SCAMP1: variants seen among roughly 807,000 people sequenced by gnomAD.
SCAMP1 encodes the protein secretory carrier membrane protein 1, also known as secretory carrier-associated membrane protein 1.
In SCAMP1, 15 loss-of-function variants were observed where a neutral mutation model predicts 41.8. The ratio of observed to expected loss-of-function variants is 0.36; its 90% confidence interval spans 0.24 to 0.55. The LOEUF (loss-of-function observed/expected upper bound fraction) is 0.55. Among genes scored for constraint, SCAMP1 ranks in the 20% least tolerant of loss-of-function variants. SCAMP1 has a pLI of 0.86. For missense variants in SCAMP1, 341 were observed against 412.6 expected, an observed-to-expected ratio of 0.83 and a Z score of 1.50; for synonymous variants, 135 against 136.8, an observed-to-expected ratio of 0.99 and a Z score of 0.09.
chr5:78,464,374 C>T lies in SCAMP1; in HGVS notation c.852+5012C>T, dbSNP rs190508409. Among the ~76,000 whole-genome samples the T allele has an allele frequency of 3.3e-3, 503 of 152,200 alleles. 3 individuals carry two copies. Among genetic ancestry groups the T allele is most frequent in the African/African-American group, 0.011 (468 of 41,536 alleles). On this transcript the variant is annotated intron_variant, in intron 8 of 8. Coordinates refer to ENST00000621999, the MANE Select transcript of SCAMP1 (RefSeq NM_004866.6). ...GGCCAGGATGCTCTTGATCTCCTGA[C>T]CTCGTGTTCTGCCTACTGGGATTAC...
chr5:78,375,263 A>G (rs1283257873), intron 1 of SCAMP1, among the ~76,000 whole-genome samples: 1 of 152,166 alleles, frequency 6.6e-6, no homozygotes, highest in African/African-American at 2.4e-5. Flanking sequence ...CTGAGGAAAT[A>G]TAGTTTTGAA....
chr5:78,430,270 ATAAATAGTATTTATTACTATG>A (rs1475851306), intron 6 of SCAMP1, among the ~76,000 whole-genome samples: 1 of 133,028 alleles, frequency 7.5e-6, no homozygotes, highest in Non-Finnish European at 1.6e-5. Flanking sequence ...TTATTTATAA[ATAAATAGTATTTATTACTATG>A]TAAATAGTAT....
intron 1 of SCAMP1, among the ~76,000 whole-genome samples, chr5:78,373,927 A>G (rs1002151895): frequency 1.3e-5 from 2 of 152,144 alleles, no homozygotes; most frequent in African/African-American, 4.8e-5. Context: ...TGCCAGTTTA[A>G]TAGGTCTTTA....
In SCAMP1 at chr5:78,478,480, C is replaced by G. The variant is rs1351931249; in HGVS notation, c.*2812C>G. On this transcript the variant is annotated 3_prime_UTR_variant, in exon 9 of 9. Coordinates refer to ENST00000621999, the MANE Select transcript of SCAMP1 (RefSeq NM_004866.6). Reference sequence around the variant, plus strand: ...TGACCATTTTTCTGTTGCATTAGACCTTTACAGGTAATGGAACATGAGCTT... The same window carrying G: ...TGACCATTTTTCTGTTGCATTAGACGTTTACAGGTAATGGAACATGAGCTT... 2.0e-5 allele frequency: 3 copies of G among 152,316 alleles called. No homozygotes were observed. Among genetic ancestry groups the G allele is most frequent in the Non-Finnish European group, 4.4e-5 (3 of 67,970 alleles). 9.4% of individuals were successfully genotyped at this position (152,316 alleles called of 1,614,324 possible).
At chr5:78,398,333 T>C (rs1448143985) in intron 2 of SCAMP1, among the ~76,000 whole-genome samples, 1 of 150,310 alleles carries the variant, frequency 6.7e-6, no homozygotes, top group East Asian at 2.0e-4. Flanking sequence ...CCAAAGTCTA[T>C]AGTTTATCCT....
chr5:78,432,816 A>G (rs1167739847), intron 6 of SCAMP1, among the ~76,000 whole-genome samples: 1 of 152,012 alleles, frequency 6.6e-6, no homozygotes, highest in African/African-American at 2.4e-5. Context: ...GTCTCTTTAC[A>G]TATTTCTTTT....
At chr5:78,378,989 T>G (rs1751134216) in intron 1 of SCAMP1, among the ~76,000 whole-genome samples, 4 of 152,234 alleles carry the variant, frequency 2.6e-5, no homozygotes, top group Admixed American at 2.6e-4. Context: ...TGCTGAAGTT[T>G]GAGAACCACA....
At chr5:78,372,699 A>C (rs555316531) in intron 1 of SCAMP1, among the ~76,000 whole-genome samples, 1 of 152,292 alleles carries the variant, frequency 6.6e-6, no homozygotes, top group South Asian at 2.1e-4. Context: ...CATGATATAT[A>C]ATAGCTTCTA....
At chr5:78,457,547 G>A (rs1456894079) in intron 7 of SCAMP1, among the ~76,000 whole-genome samples, 2 of 152,204 alleles carry the variant, frequency 1.3e-5, no homozygotes, top group African/African-American at 2.4e-5. Context: ...CCCGTTCTCA[G>A]ATCTCCAGCT....
intron 5 of SCAMP1, among the ~76,000 whole-genome samples, chr5:78,419,993 A>G (rs564617422): frequency 6.6e-6 from 1 of 152,266 alleles, no homozygotes; most frequent in South Asian, 2.1e-4. Context: ...TTATTTAATC[A>G]ATATAATATA....
At chr5:78,420,368 C>T (rs1752313188) in intron 5 of SCAMP1, among the ~76,000 whole-genome samples, 1 of 152,170 alleles carries the variant, frequency 6.6e-6, no homozygotes, top group Non-Finnish European at 1.5e-5. Flanking sequence ...AGGTCTAAAA[C>T]TTTTTAAGGC....
intron 6 of SCAMP1, among the ~76,000 whole-genome samples, chr5:78,438,402 T>G (rs1490663052): frequency 3.9e-5 from 6 of 152,250 alleles, no homozygotes; most frequent in Non-Finnish European, 8.8e-5. Flanking sequence ...CTAGGGATTC[T>G]GGTACGTTGT....
intron 6 of SCAMP1, among the ~76,000 whole-genome samples, chr5:78,448,378 G>A (rs990838647): frequency 6.6e-6 from 1 of 150,760 alleles, no homozygotes; most frequent in Non-Finnish European, 1.5e-5. Flanking sequence ...CAGACGGAGG[G>A]AAAATCTTTG....
At chr5:78,382,917 A>C (rs1751246852) in intron 1 of SCAMP1, among the ~76,000 whole-genome samples, 1 of 152,116 alleles carries the variant, frequency 6.6e-6, no homozygotes, top group Non-Finnish European at 1.5e-5. Context: ...ATGCCTGTGC[A>C]AATATCTTTT....
chr5:78,398,115 G>A (rs1186138740), intron 2 of SCAMP1, among the ~76,000 whole-genome samples: 5 of 152,144 alleles, frequency 3.3e-5, no homozygotes, highest in African/African-American at 1.2e-4. Context: ...CCCAAAAGAA[G>A]TGAAAACATA....
intron 1 of SCAMP1, among the ~76,000 whole-genome samples, chr5:78,381,021 G>A (rs1001267201): frequency 2.0e-5 from 3 of 152,032 alleles, no homozygotes; most frequent in South Asian, 2.1e-4. Context: ...AGCTGAGATC[G>A]TGCTACGGCA....
chr5:78,416,759 T>G (rs1752220376), intron 4 of SCAMP1, 110 bp downstream of exon 4: 1 of 742,294 alleles, frequency 1.3e-6, no homozygotes. Flanking sequence ...CCTGTTTTCC[T>G]GTTCTAACAA....
At chr5:78,434,731 C>T (rs1036240773) in intron 6 of SCAMP1, among the ~76,000 whole-genome samples, 2 of 152,118 alleles carry the variant, frequency 1.3e-5, no homozygotes, top group Admixed American at 6.6e-5. Flanking sequence ...ATTTGCACTT[C>T]AGAGTAAATC....
At chr5:78,381,226 G>A (rs1415387859) in intron 1 of SCAMP1, among the ~76,000 whole-genome samples, 1 of 152,194 alleles carries the variant, frequency 6.6e-6, no homozygotes, top group African/African-American at 2.4e-5. Flanking sequence ...CTTGGGTAGA[G>A]GGAAGGTATC....
Sources: allele counts gnomAD v4.1 joint callset (sites outside exome capture counted in the v4.1 genomes callset), GRCh38; gene constraint gnomAD v4.1.1; transcripts MANE v1.5; gene names NCBI Gene and HGNC (gene_info 2026-07-23, HGNC 2026-07-21).